The following GALK1 variants were observed in gnomAD, a reference collection of about 807,000 sequenced individuals.
The protein encoded by GALK1 is galactokinase.
In GALK1, 30 loss-of-function variants were observed where a neutral mutation model predicts 38.6. That is an observed-to-expected ratio of 0.78 (90% confidence interval 0.58 to 1.05). The LOEUF is 1.05. Ranked by LOEUF, GALK1 falls within the 50% of genes least tolerant of loss-of-function variation. GALK1 has a pLI of 0.00. For synonymous variants in GALK1, 240 were observed against 233.6 expected, an observed-to-expected ratio of 1.03 and a Z score of -0.25; for missense variants, 512 against 540.5, an observed-to-expected ratio of 0.95 and a Z score of 0.52.
At chr17:75,763,463 G>A in intron 2 of GALK1, 24 bp from the exon 3 acceptor site, 1 of 1,570,744 alleles carries the variant, frequency 6.4e-7, no homozygotes, top group Non-Finnish European at 8.6e-7. Context: ...AACAGGTGAT[G>A]GTAAGAGGGG....
At chr17:75,757,417 T>G, downstream of GALK1, 1 of 1,613,098 alleles carries the variant, frequency 6.2e-7, no homozygotes, top group East Asian at 2.2e-5. Flanking sequence ...CCTCCACAGA[T>G]GGGCTGACCC....
chr17:75,756,618 G>A, downstream of GALK1: 1 of 1,612,802 alleles, frequency 6.2e-7, no homozygotes, highest in Non-Finnish European at 8.5e-7. Context: ...CCCCTGCCAG[G>A]TGAGTTGCCT....
downstream of GALK1, chr17:75,753,756 G>A: frequency 1.4e-6 from 2 of 1,426,646 alleles, no homozygotes; most frequent in Non-Finnish European, 1.8e-6. Flanking sequence ...GCCCTTCGTT[G>A]TTCCCAAGGC....
chr17:75,763,181 G>A (rs1353159457), intron 3 of GALK1, 32 bp from the exon 4 acceptor site: 1 of 1,610,108 alleles, frequency 6.2e-7, no homozygotes, highest in African/African-American at 1.3e-5. Flanking sequence ...GGAGGCTAGG[G>A]CTGGTGGAAG....
Position 75,758,095 on chromosome 17 carries a change from G to A in GALK1, c.1140C>T (p.Leu380=), listed in dbSNP as rs1244261337. Residue 380 remains leucine (L), a synonymous_variant, in exon 8 of 8, where the codon CTC becomes CTT. Coordinates refer to ENST00000588479, the MANE Select transcript of GALK1 (RefSeq NM_000154.2). ...EHYGGTATFY[L]SQAADGAKVL... ...CCTTGGCTCCATCGGCTGCTTGAGA[G>A]AGGTAGAAGGTGGCAGTCCCGCCGT... 7 of 1,612,184 alleles carry A rather than the reference G, an allele frequency of 4.3e-6. No individual in the cohort carries two copies. The highest frequency in any genetic ancestry group is 1.1e-5 in the South Asian group (1 of 91,088).
downstream of GALK1, chr17:75,756,707 C>T (rs923675608): frequency 6.2e-7 from 1 of 1,613,334 alleles, no homozygotes; most frequent in African/African-American, 1.3e-5. Flanking sequence ...CCCCCAGGCT[C>T]CGCCTTCACT....
intron 5 of GALK1, among the ~76,000 whole-genome samples, chr17:75,760,991 CAGG>C (rs2061585002): frequency 6.6e-6 from 1 of 152,120 alleles, no homozygotes; most frequent in Non-Finnish European, 1.5e-5. Flanking sequence ...ATCACCAGGT[CAGG>C]AGTTCACGAC....
At chr17:75,756,646 G>T, downstream of GALK1, 1 of 1,612,608 alleles carries the variant, frequency 6.2e-7, no homozygotes. Context: ...CCCCAGAGCT[G>T]CCCCCATCAT....
chr17:75,756,656 T>G (rs750819199), downstream of GALK1: 9 of 1,612,936 alleles, frequency 5.6e-6, no homozygotes, highest in Admixed American at 1.5e-4. Context: ...GCCCCCATCA[T>G]GCCCACCACC....
At chr17:75,758,175 C>A (rs774296016) in intron 7 of GALK1, 35 bp downstream of exon 7, 1 of 1,609,980 alleles carries the variant, frequency 6.2e-7, no homozygotes, top group Non-Finnish European at 8.5e-7. Context: ...GGGAAGCTGC[C>A]GCTCCTGCCC....
intron 2 of GALK1, 92 bp downstream of exon 2, chr17:75,763,805 C>T: frequency 1.6e-6 from 2 of 1,245,716 alleles, no homozygotes; most frequent in South Asian, 2.5e-5. Flanking sequence ...CAAGCCTTCC[C>T]CACAGTGTAT....
At chr17:75,758,800 G>A (rs1033017325) in intron 5 of GALK1, among the ~76,000 whole-genome samples, 2 of 152,208 alleles carry the variant, frequency 1.3e-5, no homozygotes, top group African/African-American at 4.8e-5. Flanking sequence ...ACTGTAAAAT[G>A]GGACACCTTG....
At chr17:75,755,049 C>T, downstream of GALK1, 1 of 1,593,586 alleles carries the variant, frequency 6.3e-7, no homozygotes, top group South Asian at 1.1e-5. Context: ...TTTTGTCCTG[C>T]CCTAGGCCTC....
rs760593029 is a variant in GALK1, at chr17:75,757,920, C to T, written c.*136G>A. 1 of 1,003,474 alleles carries T rather than the reference C, an allele frequency of 1.0e-6. No individual in the cohort carries two copies. Among genetic ancestry groups the T allele is most frequent in the South Asian group, 1.4e-5 (1 of 70,792 alleles). 62.2% of individuals were successfully genotyped at this position (1,003,474 alleles called of 1,614,324 possible). A position where few individuals can be genotyped will look rare whatever the true frequency, so the allele number is the denominator to read the frequency against. On this transcript the variant is annotated 3_prime_UTR_variant, in exon 8 of 8. Coordinates refer to ENST00000588479, the MANE Select transcript of GALK1 (RefSeq NM_000154.2). Reference sequence around the variant, plus strand: ...TCTCTGACACCCAAGCATACACCCACCTCTAGAGGAGGCAGGTACCACATT... The same window carrying T: ...TCTCTGACACCCAAGCATACACCCATCTCTAGAGGAGGCAGGTACCACATT...
chr17:75,757,004 C>T (rs1568388898), downstream of GALK1: 3 of 1,612,750 alleles, frequency 1.9e-6, no homozygotes, highest in Non-Finnish European at 2.5e-6. Context: ...CCGTGCCGGG[C>T]CTCAGCGAGA....
intron 7 of GALK1, 33 bp downstream of exon 7, chr17:75,758,177 C>T (rs1230536826): frequency 6.2e-7 from 1 of 1,610,202 alleles, no homozygotes. Context: ...GAAGCTGCCG[C>T]TCCTGCCCGC....
At chr17:75,753,921 C>A (rs1182216420), downstream of GALK1, 7 of 1,286,644 alleles carry the variant, frequency 5.4e-6, no homozygotes, top group South Asian at 2.7e-5. Context: ...GACGGCGGCG[C>A]GGGCGGGAAG....
At position 75,758,315 on chromosome 17, in the gene GALK1, AGC is replaced by A; in HGVS notation, c.1000_1001del (p.Ala334CysfsTer68). On this transcript the variant is annotated frameshift_variant, in exon 7 of 8. Transcript: ENST00000588479. LOFTEE classifies it high-confidence loss of function. ...TGCGGCTGCCATAAACCCCAGGCAC[AGC>A]AAGCGCAGCCTCCACCAGCTGGTCC... is the stretch of plus-strand genomic sequence containing the variant. The part of the protein sequence containing the change: ...ELDQLVEAAL[A>X]VPGVYGSRMT... The A allele has an allele frequency of 6.3e-7, 1 of 1,593,822 alleles. No individual in the cohort carries two copies. The highest frequency in any genetic ancestry group is 8.5e-7 in the Non-Finnish European group (1 of 1,171,174).
intron 1 of GALK1, chr17:75,764,649 G>A (rs537738483): frequency 2.0e-6 from 1 of 503,564 alleles, no homozygotes; most frequent in African/African-American, 1.9e-5. Context: ...GGCGCGGAGT[G>A]TCCCCTTCTG....
Sources: gnomAD v4.1 joint callset for allele counts (sites outside exome capture counted in the v4.1 genomes callset) on GRCh38, gnomAD v4.1.1 for gene constraint, MANE v1.5 for transcripts, NCBI Gene and HGNC (gene_info 2026-07-23, HGNC 2026-07-21) for gene names.